Variants in MEF2C observed in about 807,000 individuals in gnomAD.
The protein encoded by MEF2C is myocyte enhancer factor 2C, also known as myocyte-specific enhancer factor 2C.
MEF2C carries 6 observed loss-of-function variants against 50.5 expected under a neutral mutation model. The observed-to-expected ratio is 0.12, with a 90% CI of 0.07 to 0.23. The LOEUF is 0.23. MEF2C is among the 10% of genes least tolerant of loss of function. The pLI, the probability that MEF2C is intolerant of heterozygous loss-of-function variation, is 1.00. For synonymous variants in MEF2C, 183 were observed against 228.0 expected, an observed-to-expected ratio of 0.80 and a Z score of 1.78; for missense variants, 276 against 605.0, an observed-to-expected ratio of 0.46 and a Z score of 5.70.
At chr5:88,761,507 A>T (rs1777839073) in intron 3 of MEF2C, among the ~76,000 whole-genome samples, 179 bp from the exon 4 acceptor site, 1 of 152,222 alleles carries the variant, frequency 6.6e-6, no homozygotes, top group South Asian at 2.1e-4. Flanking sequence ...TCAGCAGTTT[A>T]AAAAAATAAA....
At chr5:88,830,896 T>G (rs1038722969) in intron 1 of MEF2C, among the ~76,000 whole-genome samples, 3 of 152,116 alleles carry the variant, frequency 2.0e-5, no homozygotes, top group African/African-American at 7.2e-5. Context: ...CACATGCAGC[T>G]GGATTTTTGT....
intron 3 of MEF2C, among the ~76,000 whole-genome samples, chr5:88,794,588 G>T (rs1795224366): frequency 6.6e-6 from 1 of 152,078 alleles, no homozygotes; most frequent in African/African-American, 2.4e-5. Context: ...CCATTCTTTG[G>T]GTTGCCTGTT....
At chr5:88,733,211 T>C (rs1171982906) in intron 6 of MEF2C, 7 of 985,270 alleles carry the variant, frequency 7.1e-6, no homozygotes, top group South Asian at 9.4e-5. Flanking sequence ...CATAGGAAGA[T>C]ATGTTAGGCT....
chr5:88,813,454 C>A (rs1803793868), intron 2 of MEF2C, among the ~76,000 whole-genome samples: 1 of 152,034 alleles, frequency 6.6e-6, no homozygotes, highest in Non-Finnish European at 1.5e-5. Flanking sequence ...TGCCCCCTCC[C>A]TCACCCTCCC....
chr5:88,856,079 C>T (rs551366971), intron 1 of MEF2C, among the ~76,000 whole-genome samples: 3 of 152,256 alleles, frequency 2.0e-5, no homozygotes, highest in Non-Finnish European at 2.9e-5. Context: ...CAATGAAATC[C>T]AGGCTGAGGT....
At chr5:88,791,856 T>C (rs76137883) in intron 3 of MEF2C, among the ~76,000 whole-genome samples, 3,974 of 152,078 alleles carry the variant, frequency 0.026, 174 homozygotes, top group African/African-American at 0.09. Flanking sequence ...ACTTTTTAAA[T>C]AACAAAATCT....
At chr5:88,837,449 T>C (rs1161650002) in intron 1 of MEF2C, among the ~76,000 whole-genome samples, 1 of 152,190 alleles carries the variant, frequency 6.6e-6, no homozygotes, top group African/African-American at 2.4e-5. Flanking sequence ...CGCAAAGCAA[T>C]ACTGCACAGT....
chr5:88,761,148 A>C, intron 4 of MEF2C, 37 bp downstream of exon 4: 2 of 1,614,004 alleles, frequency 1.2e-6, no homozygotes, highest in Non-Finnish European at 1.7e-6. Flanking sequence ...GAGAAATATC[A>C]AGAGTAAAAA....
intron 6 of MEF2C, chr5:88,741,460 T>C: frequency 1.0e-6 from 1 of 985,394 alleles, no homozygotes; most frequent in Non-Finnish European, 1.2e-6. Context: ...TTTTATTTTT[T>C]TGAATATCTG....
intron 3 of MEF2C, chr5:88,761,665 T>A (rs1350399046): frequency 2.0e-5 from 4 of 203,326 alleles, no homozygotes; most frequent in Non-Finnish European, 3.9e-5. Flanking sequence ...ATTGCAACAC[T>A]CTCTTCCCAC....
chr5:88,879,487 G>A (rs1047740889), intron 1 of MEF2C, among the ~76,000 whole-genome samples: 1 of 151,624 alleles, frequency 6.6e-6, no homozygotes, highest in African/African-American at 2.4e-5. Flanking sequence ...AATATATTTG[G>A]TAACAGAATA....
At chr5:88,752,591 C>G in intron 4 of MEF2C, 1 of 982,352 alleles carries the variant, frequency 1.0e-6, no homozygotes, top group Non-Finnish European at 1.2e-6. Flanking sequence ...TTTTAACATA[C>G]AAGATTCAAC....
chr5:88,842,286 A>G (rs1258815587), intron 1 of MEF2C, among the ~76,000 whole-genome samples: 1 of 152,152 alleles, frequency 6.6e-6, no homozygotes, highest in Non-Finnish European at 1.5e-5. Context: ...AATCCGGCCA[A>G]TCACCAGGTT....
chr5:88,857,071 A>G (rs1823698552), intron 1 of MEF2C, among the ~76,000 whole-genome samples: 1 of 152,168 alleles, frequency 6.6e-6, no homozygotes, highest in African/African-American at 2.4e-5. Flanking sequence ...GGGGGGCTAT[A>G]CCCTGCAAAG....
chr5:88,871,954 A>C (rs1688084410), intron 1 of MEF2C, among the ~76,000 whole-genome samples: 1 of 152,056 alleles, frequency 6.6e-6, no homozygotes, highest in Non-Finnish European at 1.5e-5. Flanking sequence ...TTTTCAAATA[A>C]AAAATGCATT....
intron 1 of MEF2C, among the ~76,000 whole-genome samples, chr5:88,832,177 C>A (rs1813323149): frequency 6.6e-6 from 1 of 152,096 alleles, no homozygotes; most frequent in African/African-American, 2.4e-5. Context: ...GAAAAAGAAT[C>A]TTTACATTTA....
intron 3 of MEF2C, chr5:88,771,540 T>A: frequency 1.0e-6 from 1 of 985,462 alleles, no homozygotes; most frequent in Non-Finnish European, 1.2e-6. Context: ...TTTTTTAACA[T>A]GTCTGCTTCA....
chr5:88,868,864 G>T (rs535534555), intron 1 of MEF2C, among the ~76,000 whole-genome samples: 54 of 152,246 alleles, frequency 3.5e-4, no homozygotes, highest in African/African-American at 1.2e-3. Flanking sequence ...CTCCAGAATT[G>T]TTCTTTATGA....
chr5:88,733,336 T>C, intron 6 of MEF2C: 3 of 985,322 alleles, frequency 3.0e-6, no homozygotes, highest in African/African-American at 1.7e-5. Flanking sequence ...TCAGAGGCTC[T>C]GGAGGGATGC....
Sources: allele counts gnomAD v4.1 joint callset (sites outside exome capture counted in the v4.1 genomes callset), GRCh38; gene constraint gnomAD v4.1.1; transcripts MANE v1.5; gene names NCBI Gene and HGNC (gene_info 2026-07-23, HGNC 2026-07-21).